PPARGC1A: variants seen among roughly 807,000 people sequenced by gnomAD.
The protein encoded by PPARGC1A is PPARG coactivator 1 alpha, also known as peroxisome proliferator-activated receptor gamma coactivator 1-alpha.
In PPARGC1A, 25 loss-of-function variants were observed where a neutral mutation model predicts 88.7. The observed-to-expected ratio is 0.28, with a 90% CI of 0.21 to 0.39. The LOEUF (loss-of-function observed/expected upper bound fraction) is 0.39, where lower values mean the gene tolerates loss of function less well. Ranked by LOEUF, PPARGC1A falls within the 10% of genes least tolerant of loss-of-function variation. The pLI is 1.00. For synonymous variants in PPARGC1A, 363 were observed against 355.6 expected (o/e 1.02, Z -0.24); for missense variants, 880 against 968.7 (o/e 0.91, Z 1.22).
At chr4:23,996,663 A>G in the PPARGC1A span, among the ~76,000 whole-genome samples, 1 of 152,212 alleles carries the variant, frequency 6.6e-6, no homozygotes, top group Non-Finnish European at 1.5e-5. Flanking sequence ...GATACAGGAA[A>G]CCTATAAAGA....
the PPARGC1A span, among the ~76,000 whole-genome samples, chr4:24,459,275 C>T: frequency 1.3e-5 from 2 of 152,076 alleles, no homozygotes; most frequent in East Asian, 3.9e-4. Context: ...ATGGCTCTGC[C>T]CATCTAAGTT....
At chr4:24,157,626 C>A in the PPARGC1A span, among the ~76,000 whole-genome samples, 1 of 152,106 alleles carries the variant, frequency 6.6e-6, no homozygotes, top group Non-Finnish European at 1.5e-5. Flanking sequence ...AACAGCATGC[C>A]CATCCATCCT....
chr4:24,464,105 A>G, the PPARGC1A span, among the ~76,000 whole-genome samples: 3 of 152,368 alleles, frequency 2.0e-5, no homozygotes, highest in South Asian at 2.1e-4. Context: ...GTTCCATGCC[A>G]CATTTCATTT....
At chr4:24,201,279 A>G in the PPARGC1A span, among the ~76,000 whole-genome samples, 4 of 152,260 alleles carry the variant, frequency 2.6e-5, no homozygotes, top group Non-Finnish European at 5.9e-5. Flanking sequence ...TAACTGCAGA[A>G]AAGAACCTTA....
the PPARGC1A span, among the ~76,000 whole-genome samples, chr4:24,410,128 T>G: frequency 6.6e-6 from 1 of 152,218 alleles, no homozygotes; most frequent in Non-Finnish European, 1.5e-5. Context: ...TAACTTGTCT[T>G]TACATTTCAA....
At chr4:23,868,971 G>A (rs1353657485) in intron 2 of PPARGC1A, among the ~76,000 whole-genome samples, 1 of 152,176 alleles carries the variant, frequency 6.6e-6, no homozygotes, top group East Asian at 1.9e-4. Context: ...TAATTTGCAT[G>A]GATACTCTCC....
intron 1 of PPARGC1A, chr4:23,889,229 G>C (rs1717420894): frequency 1.0e-6 from 1 of 985,258 alleles, no homozygotes; most frequent in African/African-American, 1.7e-5. Flanking sequence ...CGTGGTACAG[G>C]AAGATTTAAC....
intron 10 of PPARGC1A, among the ~76,000 whole-genome samples, chr4:23,811,502 C>T (rs58765915): frequency 0.023 from 3,486 of 152,216 alleles, 130 homozygotes; most frequent in African/African-American, 0.08. Context: ...CAGAAAAGAC[C>T]GTAAGGCTCT....
chr4:24,135,870 G>A, the PPARGC1A span, among the ~76,000 whole-genome samples: 2 of 152,050 alleles, frequency 1.3e-5, no homozygotes, highest in East Asian at 1.9e-4. Context: ...TTCATGCATC[G>A]CTATCATGGG....
At chr4:24,294,771 A>G in the PPARGC1A span, among the ~76,000 whole-genome samples, 1 of 152,212 alleles carries the variant, frequency 6.6e-6, no homozygotes, top group Non-Finnish European at 1.5e-5. Flanking sequence ...TGTTTTCTTC[A>G]TGATATCCCA....
the PPARGC1A span, among the ~76,000 whole-genome samples, chr4:24,444,528 C>T: frequency 1.8e-4 from 27 of 152,006 alleles, no homozygotes; most frequent in Admixed American, 1.8e-3. Context: ...TTTCTACACC[C>T]AAAGAGCCTA....
At chr4:24,171,138 G>A in the PPARGC1A span, among the ~76,000 whole-genome samples, 4 of 152,050 alleles carry the variant, frequency 2.6e-5, no homozygotes, top group South Asian at 2.1e-4. Context: ...CCGGCCAGGC[G>A]CGGTGGCTCA....
chr4:24,102,262 C>A, the PPARGC1A span, among the ~76,000 whole-genome samples: 1 of 152,168 alleles, frequency 6.6e-6, no homozygotes, highest in South Asian at 2.1e-4. Context: ...GGACAGGGAA[C>A]AATTCATGGT....
chr4:24,280,446 G>A, the PPARGC1A span, among the ~76,000 whole-genome samples: 1 of 152,122 alleles, frequency 6.6e-6, no homozygotes, highest in Non-Finnish European at 1.5e-5. Flanking sequence ...GTGTGTCTCT[G>A]CTCTCCTGTC....
chr4:24,091,014 C>G, the PPARGC1A span, among the ~76,000 whole-genome samples: 1 of 152,186 alleles, frequency 6.6e-6, no homozygotes, highest in Non-Finnish European at 1.5e-5. Context: ...GGCACGCAAG[C>G]TGCATTAAAA....
the PPARGC1A span, among the ~76,000 whole-genome samples, chr4:24,143,318 G>A: frequency 6.6e-6 from 1 of 152,070 alleles, no homozygotes; most frequent in Admixed American, 6.6e-5. Flanking sequence ...ATAGGGGAGG[G>A]GGCAATATAA....
chr4:24,354,818 C>T, the PPARGC1A span, among the ~76,000 whole-genome samples: 1 of 152,002 alleles, frequency 6.6e-6, no homozygotes, highest in Non-Finnish European at 1.5e-5. Flanking sequence ...ACCCGGGAGG[C>T]GGAGCTTGTA....
the PPARGC1A span, among the ~76,000 whole-genome samples, chr4:24,054,367 T>C: frequency 0.022 from 3,275 of 151,338 alleles, 111 homozygotes; most frequent in African/African-American, 0.074. Context: ...TCAGAGGAAG[T>C]AACCCATCTG....
the PPARGC1A span, among the ~76,000 whole-genome samples, chr4:24,117,515 T>TA: frequency 6.6e-6 from 1 of 151,504 alleles, no homozygotes; most frequent in African/African-American, 2.4e-5. Context: ...TGGAAGCTAC[T>TA]GAAAGTTCAG....
Sources: gnomAD v4.1 joint callset for allele counts (sites outside exome capture counted in the v4.1 genomes callset) on GRCh38, gnomAD v4.1.1 for gene constraint, MANE v1.5 for transcripts, NCBI Gene and HGNC (gene_info 2026-07-23, HGNC 2026-07-21) for gene names.